Variants in PRKCH observed in about 807,000 individuals in gnomAD.
PRKCH encodes the protein protein kinase C eta type.
Under a neutral mutation model 82.5 loss-of-function variants are expected in PRKCH, and 28 were observed. That is an observed-to-expected ratio of 0.34 (90% confidence interval 0.25 to 0.47). The LOEUF is 0.47. Among genes scored for constraint, PRKCH ranks in the 20% least tolerant of loss-of-function variants. PRKCH has a pLI of 1.00. For missense variants in PRKCH, 705 were observed against 881.8 expected, an observed-to-expected ratio of 0.80 and a Z score of 2.54; for synonymous variants, 322 against 327.4, an observed-to-expected ratio of 0.98 and a Z score of 0.18.
intron 1 of PRKCH, among the ~76,000 whole-genome samples, chr14:61,326,502 T>C (rs1458578216): frequency 6.6e-6 from 1 of 152,194 alleles, no homozygotes; most frequent in African/African-American, 2.4e-5. Flanking sequence ...TTATTCTGAT[T>C]GTGGCAATGA....
chr14:61,422,919 C>T (rs1882928497), intron 2 of PRKCH, among the ~76,000 whole-genome samples: 1 of 152,116 alleles, frequency 6.6e-6, no homozygotes, highest in African/African-American at 2.4e-5. Flanking sequence ...ATGCTTATAT[C>T]TGTATTTCTT....
chr14:61,204,806 A>T (rs955651014), intron 1 of PRKCH, among the ~76,000 whole-genome samples: 1 of 150,346 alleles, frequency 6.7e-6, no homozygotes, highest in East Asian at 2.0e-4. Flanking sequence ...GGTATAGGGC[A>T]TTCTATCTAG....
chr14:61,275,221 A>C (rs1421274414), intron 1 of PRKCH, among the ~76,000 whole-genome samples: 1 of 152,258 alleles, frequency 6.6e-6, no homozygotes, highest in African/African-American at 2.4e-5. Context: ...TTCTTTTAGA[A>C]CATCACCTAC....
intron 1 of PRKCH, among the ~76,000 whole-genome samples, chr14:61,273,609 T>C (rs2045177262): frequency 6.6e-6 from 1 of 152,236 alleles, no homozygotes; most frequent in Admixed American, 6.5e-5. Flanking sequence ...ATGTAACCCA[T>C]CTGCTATTCA....
chr14:61,451,018 T>C (rs150788890), intron 6 of PRKCH, 47 bp downstream of exon 6: 19,281 of 1,585,724 alleles, frequency 0.012, 171 homozygotes, highest in Non-Finnish European at 0.014. Flanking sequence ...GGGAACACTA[T>C]GCCCTAAGCT....
intron 1 of PRKCH, among the ~76,000 whole-genome samples, chr14:61,292,746 G>A (rs1267054818): frequency 6.8e-6 from 1 of 147,316 alleles, no homozygotes; most frequent in East Asian, 2.1e-4. Context: ...ACTCCAGCCT[G>A]GGCAACAGAG....
At chr14:61,200,411 T>TG (rs1555368618) in intron 1 of PRKCH, among the ~76,000 whole-genome samples, 4,160 of 145,790 alleles carry the variant, frequency 0.029, 164 homozygotes, top group African/African-American at 0.1. Context: ...GTGTGTGTGT[T>TG]TGTGTGTTAC....
intron 2 of PRKCH, among the ~76,000 whole-genome samples, chr14:61,423,096 G>T (rs988083722): frequency 6.6e-6 from 1 of 152,156 alleles, no homozygotes; most frequent in Non-Finnish European, 1.5e-5. Context: ...AGGTGATTCC[G>T]AGGCAAGGCC....
intron 1 of PRKCH, among the ~76,000 whole-genome samples, chr14:61,225,604 C>A (rs1025369195): frequency 6.6e-6 from 1 of 152,200 alleles, no homozygotes; most frequent in Non-Finnish European, 1.5e-5. Context: ...ATAGCTCCAC[C>A]CACATATGAG....
intron 1 of PRKCH, among the ~76,000 whole-genome samples, chr14:61,363,444 C>G (rs1432822781): frequency 6.6e-6 from 1 of 152,048 alleles, no homozygotes; most frequent in Non-Finnish European, 1.5e-5. Context: ...TTGAGAAGTA[C>G]ACAAGATTTG....
chr14:61,504,848 G>A (rs1437677899), intron 10 of PRKCH, among the ~76,000 whole-genome samples: 1 of 152,080 alleles, frequency 6.6e-6, no homozygotes, highest in Non-Finnish European at 1.5e-5. Context: ...AAATTTGTCT[G>A]TAACTTTATA....
At chr14:61,191,435 G>GGGAT (rs2044406124) in intron 1 of PRKCH, among the ~76,000 whole-genome samples, 1 of 152,208 alleles carries the variant, frequency 6.6e-6, no homozygotes, top group Admixed American at 6.5e-5. Context: ...CATTTTAGGA[G>GGGAT]GCTGAGGTGG....
At chr14:61,443,044 T>G in intron 2 of PRKCH, 67 bp from the exon 3 acceptor site, 1 of 1,457,740 alleles carries the variant, frequency 6.9e-7, no homozygotes, top group Non-Finnish European at 9.3e-7. Context: ...CTATCAAACT[T>G]TCTCATCTAT....
intron 1 of PRKCH, among the ~76,000 whole-genome samples, chr14:61,259,064 A>G (rs928123765): frequency 2.0e-5 from 3 of 152,168 alleles, no homozygotes; most frequent in African/African-American, 7.2e-5. Context: ...CAAAGGAATG[A>G]TGTTGTCACT....
Position 61,455,677 on chromosome 14 carries a change from G to A in PRKCH, c.961-1499G>A, listed in dbSNP as rs73320096. On this transcript the variant is annotated intron_variant, in intron 7 of 13. Transcript: ENST00000332981. Reference sequence around the variant, plus strand: ...AATAGGAATAAAGATCATGCAGCACGATCTTTAGGAATGGACAGTGCACTT... The same window carrying A: ...AATAGGAATAAAGATCATGCAGCACAATCTTTAGGAATGGACAGTGCACTT... 5.1e-4 allele frequency among the ~76,000 whole-genome samples: 78 copies of A among 152,310 alleles called. 1 individual carries two copies. The highest frequency in any genetic ancestry group is 1.8e-3 in the African/African-American group (73 of 41,562).
At chr14:61,418,722 G>A (rs4605077) in intron 2 of PRKCH, among the ~76,000 whole-genome samples, 30,786 of 152,090 alleles carry the variant, frequency 0.2, 3,505 homozygotes, top group Admixed American at 0.34. Context: ...AACAGCAATG[G>A]TTGAAAAGCC....
In PRKCH at chr14:61,523,803, G is replaced by T. The variant is rs61494798; in HGVS notation, c.1434-5272G>T. ...GGTATCAAAGTTGTACTCTATTAAA[G>T]AATTATTATCTTTGAGATTCAGATA... is the stretch of plus-strand genomic sequence containing the variant. On this transcript the variant is annotated intron_variant, in intron 10 of 13. Coordinates refer to ENST00000332981, the MANE Select transcript of PRKCH (RefSeq NM_006255.5). Among the ~76,000 whole-genome samples, 1,095 of 152,258 alleles carry T rather than the reference G, an allele frequency of 7.2e-3. 43 individuals carry two copies. In the East Asian group the frequency reaches 0.11, roughly 15 times the overall value.
chr14:61,542,298 AAAAC>A (rs1418755364), intron 12 of PRKCH, among the ~76,000 whole-genome samples: 2 of 151,194 alleles, frequency 1.3e-5, no homozygotes, highest in African/African-American at 4.9e-5. Context: ...ATATCAAAAA[AAAAC>A]AAAACAAACA....
At chr14:61,409,490 A>C (rs1040842371) in intron 2 of PRKCH, among the ~76,000 whole-genome samples, 1 of 151,978 alleles carries the variant, frequency 6.6e-6, no homozygotes, top group Non-Finnish European at 1.5e-5. Context: ...TGAGCCCAGG[A>C]GTTCAAGACC....
Sources: gnomAD v4.1 joint callset for allele counts (sites outside exome capture counted in the v4.1 genomes callset) on GRCh38, gnomAD v4.1.1 for gene constraint, MANE v1.5 for transcripts, NCBI Gene and HGNC (gene_info 2026-07-23, HGNC 2026-07-21) for gene names.